Variants in SPAG16 observed in about 807,000 individuals in gnomAD.
SPAG16 encodes the protein sperm-associated antigen 16 protein.
A neutral mutation model predicts 80.4 loss-of-function variants in SPAG16; 86 were observed. That is an observed-to-expected ratio of 1.07 (90% CI 0.90 to 1.28). The LOEUF (loss-of-function observed/expected upper bound fraction) is 1.28. Among genes scored for constraint, SPAG16 ranks in the 50% most tolerant of loss-of-function variants. SPAG16 has a pLI of 0.00. For missense variants in SPAG16, 870 were observed against 765.3 expected, an observed-to-expected ratio of 1.14 and a Z score of -1.61; for synonymous variants, 294 against 265.9, an observed-to-expected ratio of 1.11 and a Z score of -1.03.
chr2:214,137,431 G>A (rs972103759), intron 14 of SPAG16, among the ~76,000 whole-genome samples: 1 of 151,922 alleles, frequency 6.6e-6, no homozygotes, highest in African/African-American at 2.4e-5. Flanking sequence ...ATATATTTGT[G>A]TATATATGTA....
At chr2:213,642,905 GC>G (rs1174006588) in intron 10 of SPAG16, among the ~76,000 whole-genome samples, 3 of 148,156 alleles carry the variant, frequency 2.0e-5, no homozygotes, top group East Asian at 2.0e-4. Context: ...GATGCTTTCT[GC>G]CCTCAAACAT....
rs113267483 is a variant in SPAG16, at chr2:213,538,383, T to C, written c.1070+48293T>C. 5.8e-3 allele frequency among the ~76,000 whole-genome samples: 881 copies of C among 152,278 alleles called. 4 individuals carry two copies. Among genetic ancestry groups the C allele is most frequent in the Non-Finnish European group, 0.01 (680 of 67,980 alleles). On this transcript the variant is annotated intron_variant, in intron 10 of 15. Coordinates refer to ENST00000331683, the MANE Select transcript of SPAG16 (RefSeq NM_024532.5). ...TTTATTATATATGTCCTTAAGAAATTAGGATTTACTTTGATTAAAATCTTT... is the reference window on the plus strand; with the variant it reads ...TTTATTATATATGTCCTTAAGAAATCAGGATTTACTTTGATTAAAATCTTT...
chr2:213,900,250 A>G (rs756899654), intron 11 of SPAG16, among the ~76,000 whole-genome samples: 1 of 152,124 alleles, frequency 6.6e-6, no homozygotes. Flanking sequence ...GGGATTTTTC[A>G]CTGCAAGAAT....
intron 10 of SPAG16, among the ~76,000 whole-genome samples, chr2:213,826,751 G>A (rs1357541467): frequency 6.6e-6 from 1 of 151,902 alleles, no homozygotes; most frequent in Non-Finnish European, 1.5e-5. Context: ...TATCTGTTAG[G>A]TCCATTTGTT....
At chr2:213,662,356 T>C (rs1398372207) in intron 10 of SPAG16, among the ~76,000 whole-genome samples, 1 of 151,952 alleles carries the variant, frequency 6.6e-6, no homozygotes, top group Non-Finnish European at 1.5e-5. Context: ...ACACAGAATA[T>C]CCAAGGAACT....
At chr2:213,578,205 T>C (rs958395640) in intron 10 of SPAG16, among the ~76,000 whole-genome samples, 1 of 152,146 alleles carries the variant, frequency 6.6e-6, no homozygotes, top group Non-Finnish European at 1.5e-5. Flanking sequence ...GATACATCAG[T>C]CATGTTTTCT....
intron 10 of SPAG16, among the ~76,000 whole-genome samples, chr2:213,775,893 C>G (rs924255789): frequency 2.0e-5 from 3 of 152,192 alleles, no homozygotes; most frequent in African/African-American, 4.8e-5. Context: ...TGTACAAACT[C>G]TCAGTCAAAT....
intron 10 of SPAG16, among the ~76,000 whole-genome samples, chr2:213,838,570 A>G (rs1214945114): frequency 6.6e-6 from 1 of 152,222 alleles, no homozygotes; most frequent in Non-Finnish European, 1.5e-5. Flanking sequence ...CAAAGTTATA[A>G]CAGATTTAAA....
intron 10 of SPAG16, among the ~76,000 whole-genome samples, chr2:213,625,856 T>C (rs1181531321): frequency 2.0e-5 from 3 of 151,676 alleles, no homozygotes; most frequent in African/African-American, 7.3e-5. Context: ...CCCAGCTAAT[T>C]TTTTTGTATT....
chr2:213,539,782 T>C (rs965431306), intron 10 of SPAG16, among the ~76,000 whole-genome samples: 8 of 152,292 alleles, frequency 5.3e-5, no homozygotes, highest in African/African-American at 1.9e-4. Flanking sequence ...TAATGAAAAT[T>C]ATTTTCAGGT....
chr2:214,348,262 C>G (rs1447022202), intron 15 of SPAG16, among the ~76,000 whole-genome samples: 5 of 152,144 alleles, frequency 3.3e-5, no homozygotes, highest in Non-Finnish European at 7.3e-5. Flanking sequence ...TTGAGCCACA[C>G]AGGATAAGAC....
chr2:214,168,509 A>G (rs1190788368), intron 15 of SPAG16, among the ~76,000 whole-genome samples: 1 of 151,832 alleles, frequency 6.6e-6, no homozygotes, highest in African/African-American at 2.4e-5. Flanking sequence ...ACACACATGC[A>G]CACACACACA....
intron 11 of SPAG16, among the ~76,000 whole-genome samples, chr2:213,893,378 A>G (rs1184083539): frequency 1.3e-5 from 2 of 152,198 alleles, no homozygotes. Flanking sequence ...CTGAAGGTAT[A>G]AAACCCACTG....
intron 9 of SPAG16, among the ~76,000 whole-genome samples, chr2:213,465,486 G>A (rs1024762583): frequency 1.3e-5 from 2 of 152,192 alleles, no homozygotes; most frequent in African/African-American, 2.4e-5. Context: ...ACTACTATCT[G>A]TTCACAGTCA....
At chr2:214,392,250 G>A (rs1227190074) in intron 15 of SPAG16, among the ~76,000 whole-genome samples, 1 of 152,016 alleles carries the variant, frequency 6.6e-6, no homozygotes, top group Non-Finnish European at 1.5e-5. Flanking sequence ...TACAACCTCT[G>A]CCTCAAGCAA....
chr2:213,676,940 A>ATT (rs1367433500), intron 10 of SPAG16, among the ~76,000 whole-genome samples: 1 of 151,540 alleles, frequency 6.6e-6, no homozygotes, highest in African/African-American at 2.4e-5. Context: ...ATTGATTGGA[A>ATT]TAGTTTCAGA....
At chr2:213,618,312 C>T (rs2061663798) in intron 10 of SPAG16, among the ~76,000 whole-genome samples, 1 of 152,204 alleles carries the variant, frequency 6.6e-6, no homozygotes, top group African/African-American at 2.4e-5. Context: ...CCCCTGCCTT[C>T]TACTCTATCC....
intron 15 of SPAG16, among the ~76,000 whole-genome samples, chr2:214,259,871 C>CTCA (rs1691011459): frequency 6.6e-6 from 1 of 152,156 alleles, no homozygotes; most frequent in Non-Finnish European, 1.5e-5. Flanking sequence ...GATCATCTGT[C>CTCA]TCAGGCAGTT....
intron 10 of SPAG16, among the ~76,000 whole-genome samples, chr2:213,689,528 C>CTTTTTTTT: frequency 1.8e-5 from 1 of 54,234 alleles, no homozygotes; most frequent in Non-Finnish European, 3.2e-5. Flanking sequence ...AGTGCTGGGG[C>CTTTTTTTT]TTTTTTTTTT....
Sources: gnomAD v4.1 joint callset for allele counts (sites outside exome capture counted in the v4.1 genomes callset) on GRCh38, gnomAD v4.1.1 for gene constraint, MANE v1.5 for transcripts, NCBI Gene and HGNC (gene_info 2026-07-23, HGNC 2026-07-21) for gene names.